The following CSMD1 variants were observed in gnomAD, a reference collection of about 807,000 sequenced individuals.
CSMD1 encodes the protein CUB and Sushi multiple domains 1.
In CSMD1, 213 loss-of-function variants were observed where a neutral mutation model predicts 417.5. That is an observed-to-expected ratio of 0.51 (90% CI 0.46 to 0.57). CSMD1 has a LOEUF of 0.57. Among genes scored for constraint, CSMD1 ranks in the 20% least tolerant of loss-of-function variants. CSMD1 has a pLI of 0.00. For synonymous variants in CSMD1, 2,862 were observed against 1,736.8 expected (o/e 1.65, Z -16.11); for missense variants, 6,923 against 4,529.7 (o/e 1.53, Z -15.17).
At chr8:3,980,294 A>G (rs777202420) in intron 5 of CSMD1, among the ~76,000 whole-genome samples, 8 of 152,204 alleles carry the variant, frequency 5.3e-5, no homozygotes, top group Non-Finnish European at 1.0e-4. Context: ...CCACAGCCCA[A>G]TGCTATTCTT....
At chr8:4,198,264 A>G (rs1440708007) in intron 3 of CSMD1, among the ~76,000 whole-genome samples, 1 of 152,226 alleles carries the variant, frequency 6.6e-6, no homozygotes, top group African/African-American at 2.4e-5. Context: ...ACTCATTATT[A>G]CAGAAGCACA....
chr8:4,107,236 G>C (rs944812377), intron 3 of CSMD1, among the ~76,000 whole-genome samples: 4 of 152,200 alleles, frequency 2.6e-5, no homozygotes, highest in Non-Finnish European at 5.9e-5. Flanking sequence ...GCTGGCGCCA[G>C]AATGGAAACC....
intron 5 of CSMD1, among the ~76,000 whole-genome samples, chr8:3,815,193 T>G (rs991282535): frequency 6.6e-6 from 1 of 152,212 alleles, no homozygotes; most frequent in Non-Finnish European, 1.5e-5. Flanking sequence ...CAGGTCAACA[T>G]AGTTTCTTTC....
chr8:4,077,436 T>A (rs901593271), intron 3 of CSMD1, among the ~76,000 whole-genome samples: 7 of 151,692 alleles, frequency 4.6e-5, no homozygotes, highest in South Asian at 2.1e-4. Flanking sequence ...AATAATTAAT[T>A]TGAGTATCCT....
intron 21 of CSMD1, among the ~76,000 whole-genome samples, chr8:3,351,308 G>C (rs1239184089): frequency 1.3e-5 from 2 of 151,994 alleles, no homozygotes; most frequent in East Asian, 1.9e-4. Context: ...GTATTAAATT[G>C]CTATGAAAGT....
At chr8:3,280,649 T>C (rs1802663030) in intron 26 of CSMD1, among the ~76,000 whole-genome samples, 1 of 152,192 alleles carries the variant, frequency 6.6e-6, no homozygotes, top group Non-Finnish European at 1.5e-5. Flanking sequence ...TTGTCAACAT[T>C]CAATCATTTT....
intron 18 of CSMD1, among the ~76,000 whole-genome samples, chr8:3,378,102 T>G (rs1201009078): frequency 6.6e-6 from 1 of 152,158 alleles, no homozygotes; most frequent in African/African-American, 2.4e-5. Context: ...TGGATGTGTT[T>G]GATTGTTGGT....
Position 4,377,792 on chromosome 8 carries a change from C to G in CSMD1, c.415+42161G>C, listed in dbSNP as rs557745765. ...AGAATTTTTGGCACCTTTAAATATC[C>G]AAGCGTTGTACAATTGTTTAGCTTT... On this transcript the variant is annotated intron_variant, in intron 3 of 69. Coordinates refer to ENST00000635120, the MANE Select transcript of CSMD1 (RefSeq NM_033225.6). 9.9e-5 allele frequency among the ~76,000 whole-genome samples: 15 copies of G among 152,264 alleles called. No individual in the cohort carries two copies. In the South Asian group the frequency reaches 1.0e-3, roughly 11 times the overall value.
At chr8:3,629,649 G>C (rs1287712731) in intron 7 of CSMD1, among the ~76,000 whole-genome samples, 1 of 152,064 alleles carries the variant, frequency 6.6e-6, no homozygotes, top group African/African-American at 2.4e-5. Context: ...TTTTATCAAG[G>C]AATGTTATAA....
At chr8:3,543,679 G>A (rs1474755903) in intron 10 of CSMD1, among the ~76,000 whole-genome samples, 2 of 152,136 alleles carry the variant, frequency 1.3e-5, no homozygotes, top group Admixed American at 1.3e-4. Context: ...AGAAAAGAGT[G>A]TGAGAGGAAC....
intron 20 of CSMD1, among the ~76,000 whole-genome samples, chr8:3,365,451 G>A (rs1485042571): frequency 1.3e-5 from 2 of 152,186 alleles, no homozygotes; most frequent in African/African-American, 2.4e-5. Context: ...AGGCAATTGT[G>A]AAGTTCTTAT....
chr8:3,667,572 G>C (rs74930693), intron 7 of CSMD1, among the ~76,000 whole-genome samples: 4,785 of 152,244 alleles, frequency 0.031, 114 homozygotes, highest in Non-Finnish European at 0.049. Flanking sequence ...AAAGTCCTTG[G>C]AGACAACATA....
intron 3 of CSMD1, among the ~76,000 whole-genome samples, chr8:4,147,032 G>C (rs755644930): frequency 5.3e-5 from 8 of 151,876 alleles, no homozygotes; most frequent in Non-Finnish European, 7.4e-5. Flanking sequence ...CAGAGATCGG[G>C]GGTTTTCTGG....
chr8:3,867,956 C>G (rs1194077799), intron 5 of CSMD1, among the ~76,000 whole-genome samples: 1 of 152,120 alleles, frequency 6.6e-6, no homozygotes, highest in Non-Finnish European at 1.5e-5. Flanking sequence ...TATGTCTTCT[C>G]TGGTGTTTAT....
At chr8:3,500,290 A>C (rs1796544982) in intron 10 of CSMD1, among the ~76,000 whole-genome samples, 1 of 151,980 alleles carries the variant, frequency 6.6e-6, no homozygotes, top group African/African-American at 2.4e-5. Context: ...AGTGCTGGGC[A>C]CTCTAGCTAG....
At chr8:4,205,783 C>T (rs1386882353) in intron 3 of CSMD1, among the ~76,000 whole-genome samples, 5 of 152,044 alleles carry the variant, frequency 3.3e-5, no homozygotes, top group Non-Finnish European at 7.4e-5. Flanking sequence ...GAAATAGATG[C>T]CTGTGTTAGA....
At chr8:3,758,068 A>G (rs1365271897) in intron 5 of CSMD1, among the ~76,000 whole-genome samples, 1 of 152,036 alleles carries the variant, frequency 6.6e-6, no homozygotes, top group Non-Finnish European at 1.5e-5. Flanking sequence ...GGTTCAAGTG[A>G]TTCTCCTGCC....
chr8:3,950,520 G>A (rs764326442), intron 5 of CSMD1, among the ~76,000 whole-genome samples: 2 of 152,320 alleles, frequency 1.3e-5, no homozygotes, highest in East Asian at 1.9e-4. Flanking sequence ...TCCACTTGCT[G>A]CCAGTTTTCT....
intron 57 of CSMD1, among the ~76,000 whole-genome samples, chr8:2,968,960 A>G (rs1211488252): frequency 6.6e-6 from 1 of 152,134 alleles, no homozygotes; most frequent in African/African-American, 2.4e-5. Flanking sequence ...TATTTTAAAT[A>G]TACTTTATTA....
Sources: allele counts gnomAD v4.1 joint callset (sites outside exome capture counted in the v4.1 genomes callset), GRCh38; gene constraint gnomAD v4.1.1; transcripts MANE v1.5; gene names NCBI Gene and HGNC (gene_info 2026-07-23, HGNC 2026-07-21).